Variants in GDPGP1 observed in about 807,000 individuals in gnomAD.
GDPGP1 encodes GDP-D-glucose phosphorylase 1.
A neutral mutation model predicts 19.2 loss-of-function variants in GDPGP1; 18 were observed. That is an observed-to-expected ratio of 0.94 (90% CI 0.65 to 1.39). GDPGP1 has a LOEUF of 1.39. Ranked by LOEUF, GDPGP1 falls within the 40% of genes most tolerant of loss-of-function variation. GDPGP1 has a pLI of 0.00. For synonymous variants in GDPGP1, 219 were observed against 208.9 expected (o/e 1.05, Z -0.42); for missense variants, 449 against 490.5 (o/e 0.92, Z 0.80).
At chr15:90,237,046 C>T (rs866959873) in intron 2 of GDPGP1, among the ~76,000 whole-genome samples, 8 of 152,052 alleles carry the variant, frequency 5.3e-5, no homozygotes, top group Non-Finnish European at 8.8e-5. Flanking sequence ...GCAACCTCTG[C>T]CTCCCAGATT....
At chr15:90,240,290 C>T (rs567627507) in intron 3 of GDPGP1, among the ~76,000 whole-genome samples, 3 of 152,018 alleles carry the variant, frequency 2.0e-5, no homozygotes, top group East Asian at 1.9e-4. Context: ...GGAGGGTCAC[C>T]GGAGGTCAGG....
In GDPGP1 at chr15:90,241,079, T is replaced by C; in HGVS notation, c.171T>C (p.Ser57=). The C allele has an allele frequency of 6.2e-7, 1 of 1,614,122 alleles. No homozygotes were observed. The highest frequency in any genetic ancestry group is 1.3e-5 in the African/African-American group (1 of 75,026). Residue 57 remains serine (S), a synonymous_variant, in exon 4 of 4, where the codon TCT becomes TCC. Coordinates refer to ENST00000329600, the MANE Select transcript of GDPGP1 (RefSeq NM_001013657.3). ...APGIPDALPQ[S]PFDAALCSAW... is the part of the protein sequence containing the mutation. ...GCATCCCAGATGCTCTGCCACAATC[T>C]CCCTTTGATGCTGCACTCTGCTCTG...
chr15:90,244,714 G>T lies in GDPGP1; in HGVS notation c.*2648G>T, dbSNP rs1962830365. On this transcript the variant is annotated 3_prime_UTR_variant, in exon 4 of 4. Transcript: ENST00000329600. ...GCCACCTGTAATCCCATCTACTTGG[G>T]AGGCTGAGGCAGGAGAATCACTTGA... 6.6e-6 allele frequency: 1 copy of T among 152,290 alleles called. No individual in the cohort carries two copies. The highest frequency in any genetic ancestry group is 2.1e-4 in the South Asian group (1 of 4,832). The allele number at this position is 152,290 out of a possible 1,614,324, so 9.4% of individuals were successfully genotyped here.
intron 3 of GDPGP1, 75 bp from the exon 4 acceptor site, chr15:90,240,817 AAAAAAAAT>A (rs911838052): frequency 3.2e-6 from 3 of 925,590 alleles, no homozygotes; most frequent in Middle Eastern, 3.3e-4. Flanking sequence ...CCATCTCAAA[AAAAAAAAT>A]AAATAAATAA....
chr15:90,241,443 C>G lies in GDPGP1; in HGVS notation c.535C>G (p.Gln179Glu). Residue 179 changes from glutamine to glutamate, a missense_variant, in exon 4 of 4, where the codon CAG becomes GAG. Gln to Glu is a conservative substitution (Grantham distance 29). Transcript: ENST00000329600. ...GCCTGAGCCTGCCCGCCAGCTCCCC[C>G]AGCGCCTGCTGCCGGGTGCACTGAG... Reference protein sequence around the residue: ...LVPEPARQLPQRLLPGALRAG... With the variant: ...LVPEPARQLPERLLPGALRAG... 6.2e-7 allele frequency: 1 copy of G among 1,613,608 alleles called. No individual in the cohort carries two copies. The highest frequency in any genetic ancestry group is 8.5e-7 in the Non-Finnish European group (1 of 1,180,022).
At chr15:90,236,683 A>C (rs1216799017) in intron 2 of GDPGP1, among the ~76,000 whole-genome samples, 1 of 151,348 alleles carries the variant, frequency 6.6e-6, no homozygotes. Flanking sequence ...ACAGGAGTGC[A>C]CCACCACGCC....
chr15:90,245,482 A>AAAAAG lies in GDPGP1; in HGVS notation c.*3420_*3421insGAAAA, dbSNP rs1555426184. ...AGAGAGACTTTGTCTCAAAAAAAAA[A>AAAAAG]AAAAAGAAAAAAACAGTTTACCATT... On this transcript the variant is annotated 3_prime_UTR_variant, in exon 4 of 4. Transcript: ENST00000329600. 15 of 152,018 alleles carry AAAAAG rather than the reference A, an allele frequency of 9.9e-5. No individual in the cohort carries two copies. Among genetic ancestry groups the AAAAAG allele is most frequent in the Non-Finnish European group, 1.9e-4 (13 of 67,970 alleles). The allele number at this position is 152,018 out of a possible 1,614,324, so 9.4% of individuals were successfully genotyped here. A position where few individuals can be genotyped will look rare whatever the true frequency, so the allele number is the denominator to read the frequency against.
At chr15:90,240,211 A>AGACTCCATC (rs1962723066) in intron 3 of GDPGP1, among the ~76,000 whole-genome samples, 1 of 150,992 alleles carries the variant, frequency 6.6e-6, no homozygotes, top group Non-Finnish European at 1.5e-5. Context: ...TGACAGAGTG[A>AGACTCCATC]TAAATAAATA....
chr15:90,234,984 C>T (rs1422996292), intron 2 of GDPGP1, among the ~76,000 whole-genome samples: 1 of 152,204 alleles, frequency 6.6e-6, no homozygotes, highest in African/African-American at 2.4e-5. Flanking sequence ...ATTATACTTG[C>T]TGATCTTTGT....
intron 2 of GDPGP1, among the ~76,000 whole-genome samples, chr15:90,238,281 CAG>C (rs1279110238): frequency 6.6e-6 from 1 of 152,156 alleles, no homozygotes; most frequent in Non-Finnish European, 1.5e-5. Context: ...GCCTGGCTGA[CAG>C]AGTGAGATTC....
intron 2 of GDPGP1, among the ~76,000 whole-genome samples, chr15:90,237,370 C>T (rs903266475): frequency 6.6e-6 from 1 of 151,574 alleles, no homozygotes; most frequent in East Asian, 1.9e-4. Context: ...CAACCTCCAC[C>T]TCCCAGGTTC....
At position 90,237,721 on chromosome 15, in the gene GDPGP1, G is replaced by A. The variant is rs190405839; in HGVS notation, c.-66-771G>A. On this transcript the variant is annotated intron_variant, in intron 2 of 3. Transcript: ENST00000329600. ...TATCTCTTTTTTTTCTCCTTTTTTT[G>A]GTTTTGTATTATTTTTATTATCTCA... Among the ~76,000 whole-genome samples the A allele has an allele frequency of 2.8e-4, 42 of 150,876 alleles. No homozygotes were observed. The East Asian group carries it at 5.0e-3, about 18-fold the overall frequency.
In GDPGP1 at chr15:90,241,275, C is replaced by G; in HGVS notation, c.367C>G (p.Gln123Glu). The G allele has an allele frequency of 1.9e-6, 3 of 1,614,174 alleles. No individual in the cohort carries two copies. The highest frequency in any genetic ancestry group is 1.7e-6 in the Non-Finnish European group (2 of 1,180,030). Reference sequence around the variant, plus strand: ...TGTGAGGCAGGCATTTGACCCTGTACAGTTCAACTTCAACAAGATCCGGCC... The same window carrying G: ...TGTGAGGCAGGCATTTGACCCTGTAGAGTTCAACTTCAACAAGATCCGGCC... ...KSVRQAFDPV[Q>E]FNFNKIRPGE... The change falls in exon 4 of 4, where the codon CAG becomes GAG. Residue 123 changes from glutamine to glutamate, a missense_variant. Transcript: ENST00000329600.
chr15:90,242,253 CTTTTTTTTTTTTTTT>C lies in GDPGP1; in HGVS notation c.*198_*212del. 2 of 89,310 alleles carry C rather than the reference CTTTTTTTTTTTTTTT, an allele frequency of 2.2e-5. No homozygotes were observed. The highest frequency in any genetic ancestry group is 3.6e-4 in the South Asian group (1 of 2,796). 5.5% of individuals were successfully genotyped at this position (89,310 alleles called of 1,614,324 possible). On this transcript the variant is annotated 3_prime_UTR_variant, in exon 4 of 4. Coordinates refer to ENST00000329600, the MANE Select transcript of GDPGP1 (RefSeq NM_001013657.3). ...TAGGCGTGCACCACCACACACCTGG[CTTTTTTTTTTTTTTT>C]TTTTTTTTTTAACGATTAGGTGATT...
In GDPGP1 at chr15:90,241,857, A is replaced by G; in HGVS notation, c.949A>G (p.Lys317Glu). 6.2e-7 allele frequency: 1 copy of G among 1,614,166 alleles called. No homozygotes were observed. The highest frequency in any genetic ancestry group is 8.5e-7 in the Non-Finnish European group (1 of 1,180,032). Residue 317 changes from lysine (K) to glutamate (E), a missense_variant, in exon 4 of 4, where the codon AAG becomes GAG. Lys to Glu is a moderately conservative substitution (Grantham distance 56, BLOSUM62 1). Coordinates refer to ENST00000329600, the MANE Select transcript of GDPGP1 (RefSeq NM_001013657.3). ...TGVRVILWAR[K>E]SSFGIKDGEA... Reference sequence around the variant, plus strand: ...GGTCCGAGTAATTCTGTGGGCCCGGAAGTCCAGCTTTGGGATAAAGGACGG... The same window carrying G: ...GGTCCGAGTAATTCTGTGGGCCCGGGAGTCCAGCTTTGGGATAAAGGACGG...
Position 90,242,840 on chromosome 15 carries a change from T to G in GDPGP1, c.*774T>G, listed in dbSNP as rs1962795302. ...TTATTTTCATGGCTGCCTTCTCACC[T>G]GTCTCAGCCTAAGAAGAAGGATGAA... On this transcript the variant is annotated 3_prime_UTR_variant, in exon 4 of 4. Transcript: ENST00000329600. 1 of 152,266 alleles carries G rather than the reference T, an allele frequency of 6.6e-6. No homozygotes were observed. The highest frequency in any genetic ancestry group is 1.5e-5 in the Non-Finnish European group (1 of 68,084). The allele number at this position is 152,266 out of a possible 1,614,324, so 9.4% of individuals were successfully genotyped here. A position where few individuals can be genotyped will look rare whatever the true frequency, so the allele number is the denominator to read the frequency against.
At position 90,241,240 on chromosome 15, in the gene GDPGP1, C is replaced by A; in HGVS notation, c.332C>A (p.Thr111Asn). 6.2e-7 allele frequency: 1 copy of A among 1,614,158 alleles called. No individual in the cohort carries two copies. Among genetic ancestry groups the A allele is most frequent in the Non-Finnish European group, 8.5e-7 (1 of 1,180,030 alleles). ...GGTGTGCAGAGGAGGCCCCCGCAGA[C>A]CATCAAGAGTGTGAGGCAGGCATTT... ...ERGVQRRPPQ[T>N]IKSVRQAFDP... The change falls in exon 4 of 4, where the codon ACC (threonine) becomes AAC (asparagine). Residue 111 changes from threonine (T) to asparagine (N), a missense_variant. By Grantham distance (65) the Thr-to-Asn change is moderately conservative (BLOSUM62 0). Coordinates refer to ENST00000329600, the MANE Select transcript of GDPGP1 (RefSeq NM_001013657.3).
intron 2 of GDPGP1, among the ~76,000 whole-genome samples, chr15:90,235,804 G>A (rs1314130645): frequency 6.6e-6 from 1 of 151,922 alleles, no homozygotes; most frequent in East Asian, 2.0e-4. Context: ...TCCTGACCTC[G>A]TGATTCGCCC....
chr15:90,241,378 T>C lies in GDPGP1; in HGVS notation c.470T>C (p.Ile157Thr). The C allele has an allele frequency of 6.2e-7, 1 of 1,614,074 alleles. No homozygotes were observed. Among genetic ancestry groups the C allele is most frequent in the Non-Finnish European group, 8.5e-7 (1 of 1,180,040 alleles). Residue 157 changes from isoleucine (I) to threonine (T), a missense_variant, in exon 4 of 4, where the codon ATC becomes ACC. Coordinates refer to ENST00000329600, the MANE Select transcript of GDPGP1 (RefSeq NM_001013657.3). ...TLLQEDILVV[I>T]NVSPLEWGHV... ...CTGCAAGAAGACATCCTGGTGGTGA[T>C]CAACGTCAGCCCCCTGGAGTGGGGC... is the stretch of plus-strand genomic sequence containing the variant.
Sources: gnomAD v4.1 joint callset for allele counts (sites outside exome capture counted in the v4.1 genomes callset) on GRCh38, gnomAD v4.1.1 for gene constraint, MANE v1.5 for transcripts, NCBI Gene and HGNC (gene_info 2026-07-23, HGNC 2026-07-21) for gene names.